TIAM2: variants seen among roughly 807,000 people sequenced by gnomAD.
TIAM2 encodes the protein TIAM Rac1 associated GEF 2, also known as rho guanine nucleotide exchange factor TIAM2.
A neutral mutation model predicts 152.9 loss-of-function variants in TIAM2; 80 were observed. The ratio of observed to expected loss-of-function variants is 0.52; its 90% CI spans 0.44 to 0.63. The LOEUF (loss-of-function observed/expected upper bound fraction) is 0.63. Among genes scored for constraint, TIAM2 ranks in the 30% least tolerant of loss-of-function variants. The probability of loss-of-function intolerance (pLI) is 0.00; values close to 1 mark genes in which losing one functional copy is unlikely to be tolerated. For synonymous variants in TIAM2, 804 were observed against 838.0 expected (o/e 0.96, Z 0.70); for missense variants, 1,965 against 2,120.1 (o/e 0.93, Z 1.44).
chr6:155,175,426 T>A (rs1562342457), intron 9 of TIAM2, among the ~76,000 whole-genome samples: 1 of 152,238 alleles, frequency 6.6e-6, no homozygotes, highest in Non-Finnish European at 1.5e-5. Flanking sequence ...CTTTAAAGTA[T>A]GATGAATGAT....
intron 2 of TIAM2, among the ~76,000 whole-genome samples, chr6:155,098,289 A>T (rs565724483): frequency 1.3e-5 from 2 of 152,240 alleles, no homozygotes; most frequent in South Asian, 4.2e-4. Flanking sequence ...TAACAATATT[A>T]ATTCTTCCAA....
At chr6:155,204,309 G>C (rs1467118428) in intron 14 of TIAM2, among the ~76,000 whole-genome samples, 2 of 151,804 alleles carry the variant, frequency 1.3e-5, no homozygotes, top group Admixed American at 1.3e-4. Flanking sequence ...TGTCATTTTG[G>C]AAAATCATGT....
chr6:155,047,748 A>T (rs1777230240), intron 1 of TIAM2, among the ~76,000 whole-genome samples: 1 of 132,378 alleles, frequency 7.6e-6, no homozygotes, highest in African/African-American at 2.9e-5. Flanking sequence ...AGAGAGAGCG[A>T]GCGCACAGAA....
At chr6:155,028,583 T>C (rs1405456158) in intron 1 of TIAM2, among the ~76,000 whole-genome samples, 1 of 138,308 alleles carries the variant, frequency 7.2e-6, no homozygotes, top group Non-Finnish European at 1.5e-5. Flanking sequence ...ACATATATAC[T>C]ACATATAATA....
At chr6:155,181,298 T>C (rs537779060) in intron 12 of TIAM2, among the ~76,000 whole-genome samples, 16 of 152,318 alleles carry the variant, frequency 1.1e-4, no homozygotes, top group Admixed American at 4.6e-4. Flanking sequence ...TGTAGTCTTA[T>C]GTATTTAGGG....
At chr6:155,039,806 G>T (rs921386342) in intron 1 of TIAM2, among the ~76,000 whole-genome samples, 2 of 152,216 alleles carry the variant, frequency 1.3e-5, no homozygotes, top group Non-Finnish European at 2.9e-5. Flanking sequence ...GGGTGTGCCT[G>T]TGGCAGACTA....
chr6:155,113,110 T>G (rs2115010070), intron 2 of TIAM2, among the ~76,000 whole-genome samples: 1 of 152,326 alleles, frequency 6.6e-6, no homozygotes, highest in African/African-American at 2.4e-5. Flanking sequence ...GTCCTTAAAC[T>G]GTCCCTCAAG....
At chr6:155,236,411 C>A (rs892086500) in intron 15 of TIAM2, among the ~76,000 whole-genome samples, 4 of 152,016 alleles carry the variant, frequency 2.6e-5, no homozygotes, top group Non-Finnish European at 5.9e-5. Context: ...GCCTGTAATC[C>A]CAGCACTTTG....
At chr6:155,001,305 T>G (rs966364468) in intron 1 of TIAM2, among the ~76,000 whole-genome samples, 4 of 152,182 alleles carry the variant, frequency 2.6e-5, no homozygotes, top group African/African-American at 4.8e-5. Flanking sequence ...AGTTTGAAAT[T>G]GCACAGCTGA....
At chr6:155,139,579 GT>G (rs1185965060) in intron 5 of TIAM2, among the ~76,000 whole-genome samples, 1 of 152,182 alleles carries the variant, frequency 6.6e-6, no homozygotes, top group African/African-American at 2.4e-5. Context: ...AGATAAGAAA[GT>G]TCTGCTTTAA....
intron 24 of TIAM2, 190 bp downstream of exon 24, chr6:155,253,243 A>G (rs1783781184): frequency 3.9e-6 from 2 of 518,610 alleles, no homozygotes; most frequent in Non-Finnish European, 3.4e-6. Context: ...GCTGGTGGAT[A>G]GCTTTTTCTT....
chr6:155,228,202 C>T (rs1055976266), intron 15 of TIAM2, among the ~76,000 whole-genome samples: 1 of 152,126 alleles, frequency 6.6e-6, no homozygotes, highest in Non-Finnish European at 1.5e-5. Flanking sequence ...TCTCCCCCTT[C>T]GAGTATGCGA....
chr6:155,020,314 C>T (rs1167254612), intron 1 of TIAM2, among the ~76,000 whole-genome samples: 3 of 152,252 alleles, frequency 2.0e-5, no homozygotes, highest in South Asian at 2.1e-4. Flanking sequence ...AAAGGATAAC[C>T]GTCAGGGGGA....
chr6:155,095,590 C>A (rs1778402001), intron 2 of TIAM2, among the ~76,000 whole-genome samples: 1 of 152,186 alleles, frequency 6.6e-6, no homozygotes, highest in Admixed American at 6.5e-5. Flanking sequence ...CTTTCCGTCA[C>A]TCAATGTATT....
chr6:155,146,768 ATTTTTTTTTTTT>A (rs373361803), intron 6 of TIAM2, among the ~76,000 whole-genome samples: 1 of 135,898 alleles, frequency 7.4e-6, no homozygotes, highest in Non-Finnish European at 1.6e-5. Context: ...TGCCTGGCTA[ATTTTTTTTTTTT>A]TTTTTTTTTT....
chr6:155,118,349 T>G (rs1026433589), intron 2 of TIAM2, among the ~76,000 whole-genome samples: 1 of 152,200 alleles, frequency 6.6e-6, no homozygotes, highest in African/African-American at 2.4e-5. Context: ...TGGAGCACCG[T>G]GTCTTTGAAC....
chr6:155,046,768 G>A (rs1015819820), intron 1 of TIAM2, among the ~76,000 whole-genome samples: 3 of 152,102 alleles, frequency 2.0e-5, no homozygotes, highest in African/African-American at 7.2e-5. Flanking sequence ...CCTCTCTCGG[G>A]GAGACAGAGA....
At chr6:155,073,559 A>G (rs138012512) in intron 1 of TIAM2, among the ~76,000 whole-genome samples, 1 of 152,038 alleles carries the variant, frequency 6.6e-6, no homozygotes, top group African/African-American at 2.4e-5. Context: ...CTTTGGTTCC[A>G]TTTCCTCTCA....
chr6:155,136,529 C>T (rs982126258), intron 4 of TIAM2, among the ~76,000 whole-genome samples: 2 of 152,120 alleles, frequency 1.3e-5, no homozygotes, highest in Non-Finnish European at 2.9e-5. Context: ...CTGCCTCGGC[C>T]TCCCAAAGTG....
Sources: gnomAD v4.1 joint callset for allele counts (sites outside exome capture counted in the v4.1 genomes callset) on GRCh38, gnomAD v4.1.1 for gene constraint, MANE v1.5 for transcripts, NCBI Gene and HGNC (gene_info 2026-07-23, HGNC 2026-07-21) for gene names.